Variants in TGM6 observed in about 807,000 individuals in gnomAD.
TGM6 encodes the protein protein-glutamine gamma-glutamyltransferase 6.
In TGM6, 74 loss-of-function variants were observed where a neutral mutation model predicts 77.5. The observed-to-expected ratio is 0.96, with a 90% confidence interval of 0.79 to 1.16. TGM6 has a LOEUF of 1.16. TGM6 is among the 50% of genes most tolerant of loss of function. TGM6 has a pLI of 0.00. For missense variants in TGM6, 968 were observed against 940.2 expected, an observed-to-expected ratio of 1.03 and a Z score of -0.39; for synonymous variants, 383 against 378.9, an observed-to-expected ratio of 1.01 and a Z score of -0.12.
At position 2,397,964 on chromosome 20, in the gene TGM6, G is replaced by T; in HGVS notation, c.590G>T (p.Ser197Ile). 1 of 1,614,110 alleles carries T rather than the reference G, an allele frequency of 6.2e-7. No individual in the cohort carries two copies. The highest frequency in any genetic ancestry group is 1.1e-5 in the South Asian group (1 of 91,074). ...ATCTGCCTCTCCATCCTGGATCGAA[G>T]CCCCGGTCACCAAAACAACCCAGCC... Reference protein sequence around the residue: ...LNICLSILDRSPGHQNNPATD... With the variant: ...LNICLSILDRIPGHQNNPATD... The change falls in exon 5 of 13, where the codon AGC becomes ATC. Residue 197 changes from serine (S) to isoleucine (I), a missense_variant. Transcript: ENST00000202625.
In TGM6 at chr20:2,399,664, A is replaced by G; in HGVS notation, c.776A>G (p.Gln259Arg). 1.2e-6 allele frequency: 2 copies of G among 1,613,924 alleles called. No individual in the cohort carries two copies. Among genetic ancestry groups the G allele is most frequent in the Non-Finnish European group, 1.7e-6 (2 of 1,179,948 alleles). ...TGGCGCGGCAGCGTGGCCATTCTGCAGAAGTGGCTCAAGGGCAGGTACAAG... is the reference window on the plus strand; with the variant it reads ...TGGCGCGGCAGCGTGGCCATTCTGCGGAAGTGGCTCAAGGGCAGGTACAAG... ...LHWRGSVAIL[Q>R]KWLKGRYKPV... Residue 259 changes from glutamine to arginine, a missense_variant, in exon 6 of 13, where the codon CAG (glutamine) becomes CGG (arginine). Transcript: ENST00000202625.
intron 9 of TGM6, among the ~76,000 whole-genome samples, chr20:2,416,907 G>A (rs1448841932): frequency 1.3e-5 from 2 of 151,944 alleles, no homozygotes; most frequent in Non-Finnish European, 2.9e-5. Flanking sequence ...TTAAATGTGG[G>A]TGATGATAAT....
At position 2,384,313 on chromosome 20, in the gene TGM6, C is replaced by T. The variant is rs181667584; in HGVS notation, c.7+3338C>T. Among the ~76,000 whole-genome samples the T allele has an allele frequency of 8.3e-3, 1,270 of 152,182 alleles. 23 individuals carry two copies. Among genetic ancestry groups the T allele is most frequent in the African/African-American group, 0.028 (1,152 of 41,484 alleles). On this transcript the variant is annotated intron_variant, in intron 1 of 12. Coordinates refer to ENST00000202625, the MANE Select transcript of TGM6 (RefSeq NM_198994.3). ...ACTACCCTATGTATAATTACTACCCCATTTAATCCTCCTCGAAACCCTAGA... is the reference window on the plus strand; with the variant it reads ...ACTACCCTATGTATAATTACTACCCTATTTAATCCTCCTCGAAACCCTAGA...
chr20:2,424,807 A>T (rs1252129828), intron 10 of TGM6, among the ~76,000 whole-genome samples: 1 of 152,204 alleles, frequency 6.6e-6, no homozygotes, highest in Non-Finnish European at 1.5e-5. Flanking sequence ...AGTGAGAGAC[A>T]TGTAACTCTC....
rs1340213767 is a variant in TGM6, at chr20:2,395,283, G to C, written c.271G>C (p.Ala91Pro). The C allele has an allele frequency of 1.9e-6, 3 of 1,614,046 alleles. No individual in the cohort carries two copies. The highest frequency in any genetic ancestry group is 2.5e-6 in the Non-Finnish European group (3 of 1,180,026). ...TGAGGGCTGGACAGCAGCAAGGGAG[G>C]CTCAGATGGAGAAAACTCTGACCGT... ...RGEGWTAARE[A>P]QMEKTLTVSL... Residue 91 changes from alanine (A) to proline (P), a missense_variant, in exon 3 of 13, where the codon GCT becomes CCT. Transcript: ENST00000202625.
intron 10 of TGM6, among the ~76,000 whole-genome samples, chr20:2,418,761 C>A: frequency 6.6e-6 from 1 of 152,102 alleles, no homozygotes; most frequent in East Asian, 1.9e-4. Context: ...TTTTAACTGA[C>A]CTTATTCCAA....
At chr20:2,423,447 C>T (rs1440524040) in intron 10 of TGM6, among the ~76,000 whole-genome samples, 1 of 152,104 alleles carries the variant, frequency 6.6e-6, no homozygotes, top group Non-Finnish European at 1.5e-5. Context: ...CTTTGAAAAA[C>T]ACTTTCTTTG....
rs73606140 is a variant in TGM6 at position 2,417,004 on chromosome 20, T to G, written c.1337-228T>G. On this transcript the variant is annotated intron_variant, in intron 9 of 12. Coordinates refer to ENST00000202625, the MANE Select transcript of TGM6 (RefSeq NM_198994.3). ...AATCTGCAAAAGTGCTAGCTATCAT[T>G]ATTATCTGAGGCTTTTGACCCAGCT... is the stretch of plus-strand genomic sequence containing the variant. Among the ~76,000 whole-genome samples the G allele has an allele frequency of 4.2e-4, 64 of 152,306 alleles. 1 individual carries two copies. In the East Asian group the frequency reaches 0.012, roughly 28 times the overall value.
At chr20:2,386,810 G>A (rs142889465) in intron 1 of TGM6, among the ~76,000 whole-genome samples, 1 of 146,380 alleles carries the variant, frequency 6.8e-6, no homozygotes, top group African/African-American at 2.4e-5. Flanking sequence ...TGGCAGGGAA[G>A]GGGGGAAACC....
At chr20:2,430,837 G>A (rs567736364) in intron 11 of TGM6, 57 bp from the exon 12 acceptor site, 34 of 1,613,760 alleles carry the variant, frequency 2.1e-5, no homozygotes, top group African/African-American at 2.7e-5. Flanking sequence ...CAGGACCATC[G>A]GTTTCCTGGA....
intron 1 of TGM6, among the ~76,000 whole-genome samples, chr20:2,385,853 C>A (rs1210415024): frequency 1.3e-5 from 2 of 152,146 alleles, no homozygotes; most frequent in African/African-American, 2.4e-5. Flanking sequence ...TGCCCTGGGC[C>A]CTTAACCAGG....
intron 6 of TGM6, 42 bp downstream of exon 6, chr20:2,399,780 G>A: frequency 3.2e-6 from 5 of 1,548,352 alleles, no homozygotes; most frequent in Non-Finnish European, 4.4e-6. Context: ...TGTGCCCCCA[G>A]CTTCCTCTAT....
intron 6 of TGM6, 52 bp downstream of exon 6, chr20:2,399,790 T>G (rs545898959): frequency 1.3e-6 from 2 of 1,494,646 alleles, no homozygotes; most frequent in Non-Finnish European, 1.8e-6. Flanking sequence ...GCTTCCTCTA[T>G]CTAAATGTAT....
intron 10 of TGM6, among the ~76,000 whole-genome samples, chr20:2,429,825 T>C (rs938605076): frequency 6.6e-6 from 1 of 150,940 alleles, no homozygotes; most frequent in Admixed American, 6.6e-5. Context: ...AAAGAACACC[T>C]AGGAAGGATG....
At chr20:2,388,183 T>A (rs2084608511) in intron 1 of TGM6, among the ~76,000 whole-genome samples, 1 of 152,150 alleles carries the variant, frequency 6.6e-6, no homozygotes, top group African/African-American at 2.4e-5. Context: ...GTATGTGGGA[T>A]GGGAGATATT....
intron 1 of TGM6, among the ~76,000 whole-genome samples, chr20:2,384,242 C>T (rs1235646543): frequency 6.6e-6 from 1 of 152,088 alleles, no homozygotes; most frequent in South Asian, 2.1e-4. Context: ...TTAATGGCTT[C>T]TCCTTTCACT....
intron 9 of TGM6, 33 bp downstream of exon 9, chr20:2,403,856 C>T: frequency 1.9e-6 from 3 of 1,613,616 alleles, no homozygotes; most frequent in Non-Finnish European, 2.5e-6. Flanking sequence ...TATTACCTTC[C>T]CCCGGATGGC....
rs1329911382 is a variant in TGM6, at chr20:2,431,001, C to T, written c.1941C>T (p.Gly647=). 6.2e-7 allele frequency: 1 copy of T among 1,613,918 alleles called. No homozygotes were observed. The highest frequency in any genetic ancestry group is 1.3e-5 in the African/African-American group (1 of 74,868). Residue 647 remains glycine (G), a synonymous_variant, in exon 12 of 13, where the codon GGC becomes GGT. Transcript: ENST00000202625. ...GTGCGCTGATGGTGGAGGGCAGCGG[C>T]CTTCTCCAGGAACAGCTCAGCATCG... ...KDCALMVEGS[G]LLQEQLSIDV...
intron 9 of TGM6, 148 bp from the exon 10 acceptor site, chr20:2,417,084 A>G (rs1203569503): frequency 2.7e-6 from 2 of 733,642 alleles, no homozygotes; most frequent in Non-Finnish European, 4.4e-6. Flanking sequence ...CAACTGATTT[A>G]AAACTTTATT....
Sources: gnomAD v4.1 joint callset for allele counts (sites outside exome capture counted in the v4.1 genomes callset) on GRCh38, gnomAD v4.1.1 for gene constraint, MANE v1.5 for transcripts, NCBI Gene and HGNC (gene_info 2026-07-23, HGNC 2026-07-21) for gene names.